Variants in ATP11A observed in about 807,000 individuals in gnomAD.
ATP11A encodes the protein ATPase phospholipid transporting 11A, also known as phospholipid-transporting ATPase IH.
A neutral mutation model predicts 154.4 loss-of-function variants in ATP11A; 81 were observed. The observed-to-expected ratio is 0.52, with a 90% CI of 0.44 to 0.63. The LOEUF is 0.63. ATP11A is among the 30% of genes least tolerant of loss of function. The pLI is 0.00. For synonymous variants in ATP11A, 623 were observed against 585.9 expected (o/e 1.06, Z -0.91); for missense variants, 1,316 against 1,474.3 (o/e 0.89, Z 1.76).
Position 112,875,535 on chromosome 13 carries a change from T to C in ATP11A, c.3162-241T>C, listed in dbSNP as rs546399160. ...TCTGTGAAACTGAACTTCAGAGACTTCTATGTCCCATTTGAGATGACTTCA... is the reference window on the plus strand; with the variant it reads ...TCTGTGAAACTGAACTTCAGAGACTCCTATGTCCCATTTGAGATGACTTCA... On this transcript the variant is annotated intron_variant, in intron 27 of 29. Coordinates refer to ENST00000375645, the MANE Select transcript of ATP11A (RefSeq NM_015205.3). This position sits in a 1 kb window ranked among gnomAD's most constrained non-coding sequence, Gnocchi z 4.1. 3.3e-5 allele frequency among the ~76,000 whole-genome samples: 5 copies of C among 152,034 alleles called. No individual in the cohort carries two copies. The highest frequency in any genetic ancestry group is 3.3e-4 in the Admixed American group (5 of 15,286).
chr13:112,799,164 A>C (rs2078071698), intron 2 of ATP11A, among the ~76,000 whole-genome samples: 1 of 152,242 alleles, frequency 6.6e-6, no homozygotes, highest in South Asian at 2.1e-4. Context: ...TGAGGCAAAA[A>C]CGGATAGAAC....
At chr13:112,880,579 G>C (rs755233305) in intron 29 of ATP11A, 1 of 1,300,178 alleles carries the variant, frequency 7.7e-7, no homozygotes, top group African/African-American at 1.5e-5. Flanking sequence ...AGTCCAGGCC[G>C]CACAGAGCAG....
intron 1 of ATP11A, among the ~76,000 whole-genome samples, chr13:112,774,856 A>G (rs1398240868): frequency 2.0e-5 from 3 of 152,204 alleles, no homozygotes; most frequent in African/African-American, 7.2e-5. Flanking sequence ...AGCAACACAC[A>G]TGTCTACCGG....
rs1335881471 is a variant in ATP11A, at chr13:112,696,464, G to A, written c.39+6009G>A. Among the ~76,000 whole-genome samples, 1 of 152,022 alleles carries A rather than the reference G, an allele frequency of 6.6e-6. No individual in the cohort carries two copies. Among genetic ancestry groups the A allele is most frequent in the African/African-American group, 2.4e-5 (1 of 41,408 alleles). ...GTTGGAGCGAGTGACCCGTTCTGCC[G>A]AAGTCCAGTCCCGTGTGTGCTGCGG... On this transcript the variant is annotated intron_variant, in intron 1 of 29. Transcript: ENST00000375645. The surrounding 1 kb of genome is among the most constrained non-coding windows in gnomAD (Gnocchi z 6.2).
intron 2 of ATP11A, among the ~76,000 whole-genome samples, chr13:112,787,607 C>T (rs1322185500): frequency 3.4e-4 from 33 of 96,390 alleles, no homozygotes; most frequent in South Asian, 7.2e-4. Context: ...ATGCGTAGAC[C>T]CCTGTGGAGA....
At chr13:112,802,161 G>A (rs775305852) in intron 2 of ATP11A, among the ~76,000 whole-genome samples, 20 of 152,224 alleles carry the variant, frequency 1.3e-4, no homozygotes, top group Admixed American at 3.3e-4. Flanking sequence ...TGGCCAACAC[G>A]ATGAAACCCC....
At position 112,832,967 on chromosome 13, in the gene ATP11A, C is replaced by T. The variant is rs370875385; in HGVS notation, c.1503C>T (p.Ser501=). The change falls in exon 14 of 30, where the codon TCC becomes TCT. Residue 501 remains serine, a synonymous_variant. Transcript: ENST00000375645. ...GPRKSPDGGK[S]CVYISSSPDE... ...GGAAATCGCCGGACGGGGGGAAATC[C>T]TGTGTGTACATCTCATCCTCGCCCG... The T allele has an allele frequency of 3.4e-5, 55 of 1,613,770 alleles. No homozygotes were observed. The highest frequency in any genetic ancestry group is 2.3e-5 in the Non-Finnish European group (27 of 1,179,904).
At chr13:112,741,196 C>G (rs1248930070) in intron 1 of ATP11A, among the ~76,000 whole-genome samples, 4 of 152,110 alleles carry the variant, frequency 2.6e-5, no homozygotes. Context: ...AGGCTGGGGA[C>G]TGGGGAGGTG....
intron 17 of ATP11A, among the ~76,000 whole-genome samples, chr13:112,845,583 G>A (rs1344705519): frequency 6.7e-5 from 8 of 118,542 alleles, no homozygotes; most frequent in Admixed American, 8.4e-5. Context: ...CCAGGCACTA[G>A]TGGTTCTAAC....
chr13:112,764,300 G>C (rs1178423048), intron 1 of ATP11A, among the ~76,000 whole-genome samples: 9 of 152,070 alleles, frequency 5.9e-5, no homozygotes, highest in Non-Finnish European at 8.8e-5. Flanking sequence ...ATGCTTGAGT[G>C]TTTATCACGA....
intron 1 of ATP11A, among the ~76,000 whole-genome samples, chr13:112,744,354 G>A (rs1891890940): frequency 6.6e-6 from 1 of 151,432 alleles, no homozygotes; most frequent in African/African-American, 2.5e-5. Flanking sequence ...TTTCCTCCCG[G>A]CACCCGGCTT....
chr13:112,727,465 A>G (rs1220922911), intron 1 of ATP11A, among the ~76,000 whole-genome samples: 4 of 152,234 alleles, frequency 2.6e-5, no homozygotes, highest in Non-Finnish European at 5.9e-5. Context: ...GGAACACAGG[A>G]AACAAAGCAA....
rs754236037 is a variant in ATP11A, at chr13:112,826,717, C to G, written c.1047C>G (p.Phe349Leu). 1 of 1,614,230 alleles carries G rather than the reference C, an allele frequency of 6.2e-7. No individual in the cohort carries two copies. The highest frequency in any genetic ancestry group is 8.5e-7 in the Non-Finnish European group (1 of 1,180,050). Reference protein sequence around the residue: ...RNLFLKAFTDFLAFMVLFNYI... With the variant: ...RNLFLKAFTDLLAFMVLFNYI... ...AGTTCCTCAAGGCATTCACGGACTTCCTGGCCTTCATGGTCCTCTTTAACT... is the reference window on the plus strand; with the variant it reads ...AGTTCCTCAAGGCATTCACGGACTTGCTGGCCTTCATGGTCCTCTTTAACT... Residue 349 changes from phenylalanine to leucine, a missense_variant, in exon 12 of 30, where the codon TTC becomes TTG. Physicochemically the swap from Phe to Leu is conservative, Grantham distance 22. Transcript: ENST00000375645.
intron 1 of ATP11A, among the ~76,000 whole-genome samples, chr13:112,750,987 A>G (rs1438665161): frequency 6.6e-6 from 1 of 152,254 alleles, no homozygotes; most frequent in Non-Finnish European, 1.5e-5. Context: ...CAATAGCATT[A>G]TTATTCCCAC....
chr13:112,872,831 A>ATG (rs2080567575), intron 26 of ATP11A, among the ~76,000 whole-genome samples: 1 of 48,640 alleles, frequency 2.1e-5, no homozygotes, highest in African/African-American at 5.9e-5. Context: ...CTTCCTGAGC[A>ATG]GTGTGAGGTG....
intron 1 of ATP11A, among the ~76,000 whole-genome samples, chr13:112,719,610 G>A (rs1888919735): frequency 6.6e-6 from 1 of 151,910 alleles, no homozygotes; most frequent in Admixed American, 6.6e-5. Flanking sequence ...TTGTAAGGTG[G>A]AAGCAAGGAA....
intron 1 of ATP11A, among the ~76,000 whole-genome samples, chr13:112,707,288 G>A (rs776843042): frequency 2.6e-5 from 4 of 151,956 alleles, no homozygotes; most frequent in Non-Finnish European, 2.9e-5. Context: ...GGTGGCACAC[G>A]CCTGTAATCC....
chr13:112,722,845 C>T (rs1026693938), intron 1 of ATP11A, among the ~76,000 whole-genome samples: 2 of 152,122 alleles, frequency 1.3e-5, no homozygotes, highest in Admixed American at 6.5e-5. Flanking sequence ...ATAGGAAAGA[C>T]GTAAATCAAT....
At chr13:112,870,923 G>C (rs2080498788) in intron 25 of ATP11A, among the ~76,000 whole-genome samples, 1 of 152,184 alleles carries the variant, frequency 6.6e-6, no homozygotes, top group South Asian at 2.1e-4. Flanking sequence ...GTCCTCACGG[G>C]TGTGTCTGTG....
Sources: gnomAD v4.1 joint callset for allele counts (sites outside exome capture counted in the v4.1 genomes callset) on GRCh38, gnomAD v4.1.1 for gene constraint, Gnocchi (gnomAD v3.1) non-coding constraint, MANE v1.5 for transcripts, NCBI Gene and HGNC (gene_info 2026-07-23, HGNC 2026-07-21) for gene names.